Variants in ADCK5 observed in about 807,000 individuals in gnomAD.
ADCK5 encodes the protein aarF domain containing kinase 5, also known as uncharacterized aarF domain-containing protein kinase 5.
Under a neutral mutation model 64.9 loss-of-function variants are expected in ADCK5, and 43 were observed. The observed-to-expected ratio is 0.66, with a 90% CI of 0.52 to 0.85. The LOEUF (loss-of-function observed/expected upper bound fraction) is 0.85, where lower values mean the gene tolerates loss of function less well. Among genes scored for constraint, ADCK5 ranks in the 40% least tolerant of loss-of-function variants. The pLI is 0.00. For missense variants in ADCK5, 760 were observed against 810.5 expected (o/e 0.94, Z 0.76); for synonymous variants, 434 against 342.8 (o/e 1.27, Z -2.94).
intron 2 of ADCK5, among the ~76,000 whole-genome samples, chr8:144,380,947 A>G (rs1819590529): frequency 8.5e-6 from 1 of 116,986 alleles, no homozygotes; most frequent in Non-Finnish European, 1.8e-5. Context: ...TGGGTGTAGA[A>G]GCAGATGTGT....
At chr8:144,374,954 G>T (rs1401941514) in intron 1 of ADCK5, among the ~76,000 whole-genome samples, 2 of 152,264 alleles carry the variant, frequency 1.3e-5, no homozygotes, top group African/African-American at 2.4e-5. Context: ...AGATGAAGGG[G>T]CTCCCAGCGC....
chr8:144,392,468 C>G lies in ADCK5; in HGVS notation c.1291C>G (p.Leu431Val), dbSNP rs1554861281. 7.9e-7 allele frequency: 1 copy of G among 1,269,220 alleles called. No homozygotes were observed. The highest frequency in any genetic ancestry group is 1.6e-5 in the African/African-American group (1 of 62,938). The allele number at this position is 1,269,220 out of a possible 1,614,324, so 78.6% of individuals were successfully genotyped here. A position where few individuals can be genotyped will look rare whatever the true frequency, so the allele number is the denominator to read the frequency against. Residue 431 changes from leucine (L) to valine (V), a missense_variant, in exon 13 of 15, where the codon CTC (leucine) becomes GTC (valine). By Grantham distance (32) the Leu-to-Val change is conservative. Coordinates refer to ENST00000308860, the MANE Select transcript of ADCK5 (RefSeq NM_174922.5). ...VQDYLLFAEM[L>V]MQRPVRLGQL... ...AGACTACCTCCTGTTCGCCGAGATGCTCATGCAGCGCCCCGTGCGCCTGGG... is the reference window on the plus strand; with the variant it reads ...AGACTACCTCCTGTTCGCCGAGATGGTCATGCAGCGCCCCGTGCGCCTGGG...
chr8:144,392,302 C>A lies in ADCK5; in HGVS notation c.1224C>A (p.Asp408Glu). ...TGTGGCGGGCCATCATCCTGCGGGACGACGCCGCCATGAGGGCGCACGCAG... is the reference window on the plus strand; with the variant it reads ...TGTGGCGGGCCATCATCCTGCGGGAAGACGCCGCCATGAGGGCGCACGCAG... ...CQLWRAIILRDDAAMRAHAAA... is the reference protein window; with the variant it reads ...CQLWRAIILREDAAMRAHAAA... The change falls in exon 12 of 15, where the codon GAC becomes GAA. Residue 408 changes from aspartate (D) to glutamate (E), a missense_variant. This residue lies in a region of ADCK5 where 333 missense variants were observed against 292.0 expected (regional missense o/e 1.14). Coordinates refer to ENST00000308860, the MANE Select transcript of ADCK5 (RefSeq NM_174922.5). 1 of 1,505,374 alleles carries A rather than the reference C, an allele frequency of 6.6e-7. No homozygotes were observed. The highest frequency in any genetic ancestry group is 1.3e-5 in the South Asian group (1 of 78,842). The allele number at this position is 1,505,374 out of a possible 1,614,324, so 93.3% of individuals were successfully genotyped here.
At chr8:144,381,945 G>C (rs1225159846) in intron 2 of ADCK5, among the ~76,000 whole-genome samples, 2 of 146,566 alleles carry the variant, frequency 1.4e-5, no homozygotes, top group East Asian at 4.1e-4. Flanking sequence ...GGCACCTGCC[G>C]CACTCAGGAT....
chr8:144,391,307 TG>T lies in ADCK5; in HGVS notation c.684+37del, dbSNP rs782608110. The T allele has an allele frequency of 1.4e-5, 23 of 1,612,238 alleles. No homozygotes were observed. The South Asian group carries it at 2.4e-4, about 17-fold the overall frequency. Reference sequence around the variant, plus strand: ...GGGGCTGCCTTGTTCAGCAGTGGGCTGGGGCGGGGCACAGTGGGGCCCCAAG... The same window carrying T: ...GGGGCTGCCTTGTTCAGCAGTGGGCTGGGCGGGGCACAGTGGGGCCCCAAG... On this transcript the variant is annotated intron_variant, in intron 6 of 14. Transcript: ENST00000308860.
rs1349544250 is a variant in ADCK5, at chr8:144,393,227, CCT to C, written c.*157_*158del. ...GGAGGCCGTGTAATGACCACACACT[CCT>C]CTCAAGCAAAAAATGTTTTTCCTTG... On this transcript the variant is annotated 3_prime_UTR_variant, in exon 15 of 15. Transcript: ENST00000308860. The C allele has an allele frequency of 4.3e-6, 6 of 1,389,014 alleles. No individual in the cohort carries two copies. In the African/African-American group the frequency reaches 7.3e-5, roughly 17 times the overall value. The allele number at this position is 1,389,014 out of a possible 1,614,324, so 86.0% of individuals were successfully genotyped here. A position where few individuals can be genotyped will look rare whatever the true frequency, so the allele number is the denominator to read the frequency against.
intron 3 of ADCK5, among the ~76,000 whole-genome samples, chr8:144,385,974 A>G (rs1163497127): frequency 8.5e-5 from 13 of 152,058 alleles, no homozygotes; most frequent in African/African-American, 3.1e-4. Flanking sequence ...AAAAAAAAAA[A>G]AAATCACCTA....
At chr8:144,373,947 C>T (rs1269556506), upstream of ADCK5, 48 of 939,452 alleles carry the variant, frequency 5.1e-5, no homozygotes, top group Non-Finnish European at 6.1e-5. Context: ...GCCGGCACGA[C>T]TCGGGGCGTG....
Position 144,390,665 on chromosome 8 carries a change from C to G in ADCK5, c.267-6C>G. 11 of 1,613,166 alleles carry G rather than the reference C, an allele frequency of 6.8e-6. No homozygotes were observed. Among genetic ancestry groups the G allele is most frequent in the Non-Finnish European group, 9.3e-6 (11 of 1,179,818 alleles). ...CGCTGGAGACTGAGGCCACCTCTGC[C>G]CGCAGGTCTCTGAAGGTCGGCCTGC... On this transcript the variant is annotated splice_polypyrimidine_tract_variant and splice_region_variant and intron_variant, in intron 3 of 14. Coordinates refer to ENST00000308860, the MANE Select transcript of ADCK5 (RefSeq NM_174922.5).
Position 144,390,817 on chromosome 8 carries a change from C to A in ADCK5, c.343-39C>A, listed in dbSNP as rs1554860254. On this transcript the variant is annotated intron_variant, in intron 4 of 14. Coordinates refer to ENST00000308860, the MANE Select transcript of ADCK5 (RefSeq NM_174922.5). ...GGGCTGGGTGGGACTGAGGAGGCAG[C>A]CACCTGTCCCCATGTGTTCTCCCCA... 13 of 1,605,996 alleles carry A rather than the reference C, an allele frequency of 8.1e-6. No homozygotes were observed. The East Asian group carries it at 2.9e-4, about 36-fold the overall frequency.
At chr8:144,392,192 T>TGGGG in intron 11 of ADCK5, 22 bp downstream of exon 11, 1 of 230,740 alleles carries the variant, frequency 4.3e-6, no homozygotes, top group Admixed American at 5.8e-5. Flanking sequence ...TGGGTGGGCG[T>TGGGG]GGGGCAGGGC....
chr8:144,380,424 G>A (rs1819558198), intron 2 of ADCK5, among the ~76,000 whole-genome samples: 1 of 148,952 alleles, frequency 6.7e-6, no homozygotes, highest in South Asian at 2.1e-4. Flanking sequence ...GTGTGCTCAG[G>A]CACCTGCTGC....
intron 3 of ADCK5, among the ~76,000 whole-genome samples, chr8:144,388,559 T>G (rs1471021678): frequency 3.1e-4 from 47 of 151,860 alleles, no homozygotes; most frequent in East Asian, 9.8e-4. Context: ...GGTCGGGAGA[T>G]CGAGACCATC....
intron 2 of ADCK5, among the ~76,000 whole-genome samples, chr8:144,381,186 G>T (rs1456647503): frequency 7.1e-6 from 1 of 140,808 alleles, no homozygotes; most frequent in Non-Finnish European, 1.5e-5. Flanking sequence ...TCAGGCACCT[G>T]CTGCACTCAG....
At chr8:144,373,932 C>G (rs780733556), upstream of ADCK5, 212 of 807,118 alleles carry the variant, frequency 2.6e-4, 1 homozygote, top group Middle Eastern at 1.3e-3. Context: ...TGCCCCGCCG[C>G]GGAGGCCGGC....
rs1055582882 is a variant in ADCK5 at position 144,376,110 on chromosome 8, G to A, written c.12+2003G>A. Among the ~76,000 whole-genome samples the A allele has an allele frequency of 2.0e-5, 3 of 152,200 alleles. No homozygotes were observed. The highest frequency in any genetic ancestry group is 1.9e-4 in the East Asian group (1 of 5,192). On this transcript the variant is annotated intron_variant, in intron 1 of 14. Coordinates refer to ENST00000308860, the MANE Select transcript of ADCK5 (RefSeq NM_174922.5). The surrounding 1 kb of genome is among the most constrained non-coding windows in gnomAD (Gnocchi z 5.1). ...AGAGGATAGTCTGGGTGTGCTGGGC[G>A]CTCCACATTTGGAGGAGACAGGCTC...
In ADCK5 at chr8:144,392,282, C is replaced by T. The variant is rs782531911; in HGVS notation, c.1204C>T (p.Arg402Trp). 3 of 1,520,130 alleles carry T rather than the reference C, an allele frequency of 2.0e-6. No homozygotes were observed. Among genetic ancestry groups the T allele is most frequent in the Admixed American group, 4.0e-5 (2 of 49,868 alleles). The allele number at this position is 1,520,130 out of a possible 1,614,324, so 94.2% of individuals were successfully genotyped here. The change falls in exon 12 of 15, where the codon CGG becomes TGG. Residue 402 changes from arginine (R) to tryptophan (W), a missense_variant. Arg to Trp is a moderately radical substitution (Grantham distance 101). This residue lies in a region of ADCK5 where 333 missense variants were observed against 292.0 expected (regional missense o/e 1.14). Coordinates refer to ENST00000308860, the MANE Select transcript of ADCK5 (RefSeq NM_174922.5). ...CCGCGCAGCCCTCTGCCAGCTGTGG[C>T]GGGCCATCATCCTGCGGGACGACGC... The part of the protein sequence containing the change: ...KDRAALCQLW[R>W]AIILRDDAAM...
chr8:144,389,591 T>G (rs1820109665), intron 3 of ADCK5, among the ~76,000 whole-genome samples: 1 of 152,228 alleles, frequency 6.6e-6, no homozygotes, highest in Non-Finnish European at 1.5e-5. Context: ...TGGAGTGCAG[T>G]GGCGCAATTT....
intron 1 of ADCK5, 124 bp downstream of exon 1, chr8:144,374,231 G>T (rs887644754): frequency 9.6e-6 from 9 of 939,500 alleles, no homozygotes; most frequent in African/African-American, 3.4e-5. Context: ...TTTTTTTGAG[G>T]CAGGGTCTCG....
Sources: allele counts gnomAD v4.1 joint callset (sites outside exome capture counted in the v4.1 genomes callset), GRCh38; gene constraint gnomAD v4.1.1; regional missense constraint gnomAD v4.1.1; non-coding constraint Gnocchi (gnomAD v3.1); transcripts MANE v1.5; gene names NCBI Gene and HGNC (gene_info 2026-07-23, HGNC 2026-07-21).